Variants in SLC35F4 observed in about 807,000 individuals in gnomAD.
SLC35F4 encodes solute carrier family 35 member F4.
A neutral mutation model predicts 44.2 loss-of-function variants in SLC35F4; 24 were observed. The observed-to-expected ratio is 0.54, with a 90% CI of 0.39 to 0.76. The LOEUF is 0.76. Among genes scored for constraint, SLC35F4 ranks in the 30% least tolerant of loss-of-function variants. The pLI, the probability that SLC35F4 is intolerant of heterozygous loss-of-function variation, is 0.00. For synonymous variants in SLC35F4, 238 were observed against 223.6 expected (o/e 1.06, Z -0.57); for missense variants, 562 against 586.1 (o/e 0.96, Z 0.42).
At chr14:57,676,460 T>C (rs928530869) in intron 1 of SLC35F4, among the ~76,000 whole-genome samples, 1 of 152,078 alleles carries the variant, frequency 6.6e-6, no homozygotes, top group African/African-American at 2.4e-5. Context: ...GGATAAAAGC[T>C]ATGCCTGCAG....
intron 4 of SLC35F4, among the ~76,000 whole-genome samples, chr14:57,577,436 G>A (rs8008177): frequency 0.21 from 31,791 of 152,016 alleles, 4,120 homozygotes; most frequent in Admixed American, 0.32. Flanking sequence ...AAGACAGTTG[G>A]GATCTGCTGA....
chr14:57,567,172 C>A (rs954430572), intron 6 of SLC35F4, among the ~76,000 whole-genome samples: 3 of 152,158 alleles, frequency 2.0e-5, no homozygotes, highest in African/African-American at 7.2e-5. Flanking sequence ...TAGCTCCATG[C>A]TCTTCAATGA....
In SLC35F4 at chr14:57,569,968, T is replaced by C. The variant is rs746582960; in HGVS notation, c.946A>G (p.Met316Val). Residue 316 changes from methionine to valine, a missense_variant, in exon 6 of 8, where the codon ATG (methionine) becomes GTG (valine). By Grantham distance (21) the Met-to-Val change is conservative (BLOSUM62 1). Coordinates refer to ENST00000556826, the MANE Select transcript of SLC35F4 (RefSeq NM_001306087.2). The stretch of plus-strand genomic sequence containing the variant: ...CCAAAGTTGGCACTTCCAAGAAACA[T>C]TTTAAACAAGACCTGGAATGAGAAA... ...TSALYKVLFKMFLGSANFGEA... is the reference protein window; with the variant it reads ...TSALYKVLFKVFLGSANFGEA... 2.5e-6 allele frequency: 4 copies of C among 1,604,380 alleles called. No homozygotes were observed. The highest frequency in any genetic ancestry group is 2.2e-5 in the East Asian group (1 of 44,744).
chr14:57,644,763 G>A (rs1200372851), intron 1 of SLC35F4, among the ~76,000 whole-genome samples: 1 of 151,196 alleles, frequency 6.6e-6, no homozygotes, highest in African/African-American at 2.4e-5. Flanking sequence ...TTTCTAACAT[G>A]TAACTCTTTA....
intron 1 of SLC35F4, among the ~76,000 whole-genome samples, chr14:57,864,145 T>C (rs954195552): frequency 6.6e-5 from 10 of 152,216 alleles, no homozygotes; most frequent in African/African-American, 2.4e-4. Flanking sequence ...ACACAGCTTC[T>C]ACATTCTCTA....
rs2076937495 is a variant in SLC35F4 at position 57,753,815 on chromosome 14, G to C, written c.103+111908C>G. ...TAGCTCCTATTTTCCATAAACACTG[G>C]CCTCCACCCAGGGTAGCTTCCTCCC... is the stretch of plus-strand genomic sequence containing the variant. On this transcript the variant is annotated intron_variant, in intron 1 of 7. Coordinates refer to ENST00000556826, the MANE Select transcript of SLC35F4 (RefSeq NM_001306087.2). 2.6e-5 allele frequency among the ~76,000 whole-genome samples: 4 copies of C among 151,976 alleles called. No homozygotes were observed. In the South Asian group the frequency reaches 8.3e-4, roughly 32 times the overall value.
At chr14:57,947,332 G>GTGTATA (rs1890054683) in intron 1 of SLC35F4, among the ~76,000 whole-genome samples, 1 of 150,876 alleles carries the variant, frequency 6.6e-6, no homozygotes, top group South Asian at 2.1e-4. Flanking sequence ...TTCTCAGGTT[G>GTGTATA]GTCACTGTTA....
intron 1 of SLC35F4, among the ~76,000 whole-genome samples, chr14:57,748,054 T>C (rs376809260): frequency 4.8e-4 from 73 of 152,248 alleles, no homozygotes; most frequent in Middle Eastern, 3.4e-3. Context: ...ACATGGAAAA[T>C]TGAAAGCATT....
chr14:57,876,280 T>C (rs1825796544), intron 1 of SLC35F4, among the ~76,000 whole-genome samples: 1 of 124,322 alleles, frequency 8.0e-6, no homozygotes, highest in South Asian at 2.2e-4. Flanking sequence ...TAACTTACCC[T>C]TTGTGCTTAC....
chr14:57,585,179 AAG>A (rs1230774483), intron 3 of SLC35F4, among the ~76,000 whole-genome samples: 4 of 151,368 alleles, frequency 2.6e-5, no homozygotes, highest in African/African-American at 9.7e-5. Context: ...AGCACTTGCA[AAG>A]TGGTGATAGG....
intron 1 of SLC35F4, among the ~76,000 whole-genome samples, chr14:57,886,295 T>C (rs1455894776): frequency 6.6e-6 from 1 of 152,200 alleles, no homozygotes; most frequent in African/African-American, 2.4e-5. Flanking sequence ...TCTGTTTAGG[T>C]CTCACAGACT....
At chr14:57,951,887 C>G (rs1890148255) in intron 1 of SLC35F4, among the ~76,000 whole-genome samples, 1 of 152,212 alleles carries the variant, frequency 6.6e-6, no homozygotes, top group African/African-American at 2.4e-5. Context: ...TTCTGCCTGC[C>G]AGCTCTGAAG....
chr14:57,736,433 T>G (rs1073382), intron 1 of SLC35F4, among the ~76,000 whole-genome samples: 92,220 of 152,126 alleles, frequency 0.61, 29,031 homozygotes, highest in African/African-American at 0.79. Context: ...AGGGCCTGTA[T>G]AGTAAAATCT....
At chr14:57,804,190 C>T (rs1344281033) in intron 1 of SLC35F4, among the ~76,000 whole-genome samples, 2 of 152,188 alleles carry the variant, frequency 1.3e-5, no homozygotes, top group African/African-American at 4.8e-5. Flanking sequence ...AATGGCTATA[C>T]TGCCCAAAGT....
At chr14:57,973,625 T>A (rs76354294), downstream of SLC35F4, among the ~76,000 whole-genome samples, 1,388 of 151,942 alleles carry the variant, frequency 9.1e-3, 11 homozygotes, top group Non-Finnish European at 0.014. Context: ...GACATGGAGT[T>A]GGGAGGGACA....
At chr14:57,704,330 C>T (rs2075615652) in intron 1 of SLC35F4, among the ~76,000 whole-genome samples, 1 of 152,116 alleles carries the variant, frequency 6.6e-6, no homozygotes, top group South Asian at 2.1e-4. Context: ...CTGATAATAC[C>T]TGTGTGGGAC....
chr14:57,862,011 C>T (rs1377496386), intron 1 of SLC35F4, among the ~76,000 whole-genome samples: 1 of 152,174 alleles, frequency 6.6e-6, no homozygotes, highest in Non-Finnish European at 1.5e-5. Context: ...TCTAAGCTTA[C>T]TCTACATCTC....
chr14:57,717,593 G>A (rs2075976711), intron 1 of SLC35F4, among the ~76,000 whole-genome samples: 1 of 152,136 alleles, frequency 6.6e-6, no homozygotes, highest in Non-Finnish European at 1.5e-5. Context: ...CCGAGATCGC[G>A]CCACTGCACT....
intron 1 of SLC35F4, among the ~76,000 whole-genome samples, chr14:57,601,015 A>G (rs985712468): frequency 1.3e-5 from 2 of 152,250 alleles, no homozygotes; most frequent in South Asian, 2.1e-4. Context: ...TCTAAAAGCC[A>G]TAACTTCTCA....
Sources: allele counts gnomAD v4.1 joint callset (sites outside exome capture counted in the v4.1 genomes callset), GRCh38; gene constraint gnomAD v4.1.1; transcripts MANE v1.5; gene names NCBI Gene and HGNC (gene_info 2026-07-23, HGNC 2026-07-21).